The following RNF130 variants were observed in gnomAD, a reference collection of about 807,000 sequenced individuals.
RNF130 encodes ring finger protein 130, also known as E3 ubiquitin-protein ligase RNF130.
In RNF130, 21 loss-of-function variants were observed where a neutral mutation model predicts 44.6. The ratio of observed to expected loss-of-function variants is 0.47; its 90% CI spans 0.33 to 0.68. The LOEUF (loss-of-function observed/expected upper bound fraction) is 0.68. RNF130 is among the 30% of genes least tolerant of loss of function. The probability of loss-of-function intolerance (pLI) is 0.02; values close to 1 mark genes in which losing one functional copy is unlikely to be tolerated. For missense variants in RNF130, 479 were observed against 560.6 expected, an observed-to-expected ratio of 0.85 and a Z score of 1.47; for synonymous variants, 214 against 210.4, an observed-to-expected ratio of 1.02 and a Z score of -0.15.
intron 2 of RNF130, among the ~76,000 whole-genome samples, chr5:180,017,154 TA>T (rs1186680176): frequency 6.6e-6 from 1 of 152,214 alleles, no homozygotes; most frequent in East Asian, 1.9e-4. Flanking sequence ...CTGACCTTTT[TA>T]AAGAGTCCAA....
At chr5:180,041,782 T>C (rs1484850332) in intron 1 of RNF130, among the ~76,000 whole-genome samples, 2 of 152,012 alleles carry the variant, frequency 1.3e-5, no homozygotes, top group Admixed American at 1.3e-4. Context: ...AGTAAATAAA[T>C]CATAAAAGCA....
chr5:179,944,457 A>G (rs1169452465), intron 7 of RNF130, among the ~76,000 whole-genome samples: 1 of 151,188 alleles, frequency 6.6e-6, no homozygotes, highest in Non-Finnish European at 1.5e-5. Flanking sequence ...AATTTTCTCA[A>G]TTTATTTTTT....
chr5:179,953,822 A>G (rs187192958), downstream of RNF130, among the ~76,000 whole-genome samples: 2 of 152,376 alleles, frequency 1.3e-5, no homozygotes, highest in Admixed American at 6.5e-5. Context: ...GTGAATAAAT[A>G]GTTTAGAGAA....
chr5:180,014,167 T>C (rs1300759336), intron 2 of RNF130, among the ~76,000 whole-genome samples: 2 of 152,220 alleles, frequency 1.3e-5, no homozygotes, highest in Non-Finnish European at 2.9e-5. Context: ...AGTCTTAAGT[T>C]GCCTTATAGT....
chr5:180,055,281 CA>C (rs869087305), intron 1 of RNF130, among the ~76,000 whole-genome samples: 2 of 45,684 alleles, frequency 4.4e-5, no homozygotes, highest in East Asian at 1.2e-3. Flanking sequence ...AAAAAAAAAA[CA>C]AAAAAAAACA....
chr5:180,040,699 C>G, intron 1 of RNF130, 52 bp from the exon 2 acceptor site: 1 of 1,524,682 alleles, frequency 6.6e-7, no homozygotes, highest in Non-Finnish European at 8.9e-7. Context: ...CTGACCAAGT[C>G]TTTATCAAAG....
chr5:180,010,244 CAAAAAAAAA>C (rs71001067), intron 3 of RNF130, among the ~76,000 whole-genome samples: 1 of 41,086 alleles, frequency 2.4e-5, no homozygotes, highest in African/African-American at 1.3e-4. Flanking sequence ...GACTACATCT[CAAAAAAAAA>C]AAAAAAAAAA....
intron 7 of RNF130, among the ~76,000 whole-genome samples, chr5:179,935,312 T>C (rs933240678): frequency 6.6e-6 from 1 of 152,200 alleles, no homozygotes; most frequent in Non-Finnish European, 1.5e-5. Context: ...ATAATCTATG[T>C]GTACTTAAAA....
At chr5:179,989,283 A>T (rs1284618466) in intron 3 of RNF130, among the ~76,000 whole-genome samples, 2 of 152,180 alleles carry the variant, frequency 1.3e-5, no homozygotes, top group Non-Finnish European at 2.9e-5. Flanking sequence ...ACACATGGGG[A>T]TTATGGGAAC....
rs924996696 is a variant in RNF130, at chr5:180,071,712, G to C, written c.-10C>G. ...GCCCCGCGCAGCTCATCGTCCCTCCGGCAGCCGCCGCTGCTCGCGGACCGG... is the reference window on the plus strand; with the variant it reads ...GCCCCGCGCAGCTCATCGTCCCTCCCGCAGCCGCCGCTGCTCGCGGACCGG... On this transcript the variant is annotated 5_prime_UTR_variant, in exon 1 of 9. Coordinates refer to ENST00000521389, the MANE Select transcript of RNF130 (RefSeq NM_018434.6). The C allele has an allele frequency of 1.6e-6, 2 of 1,264,570 alleles. No homozygotes were observed. The highest frequency in any genetic ancestry group is 2.7e-5 in the South Asian group (1 of 36,518). The allele number at this position is 1,264,570 out of a possible 1,614,324, so 78.3% of individuals were successfully genotyped here.
intron 3 of RNF130, among the ~76,000 whole-genome samples, chr5:180,005,824 T>C (rs1763452404): frequency 6.6e-6 from 1 of 152,200 alleles, no homozygotes; most frequent in Non-Finnish European, 1.5e-5. Flanking sequence ...GGTAAGCTCA[T>C]TCTTGAATTC....
In RNF130 at chr5:179,977,946, GCTGTGT is replaced by G. The variant is rs763564499; in HGVS notation, c.848+251_848+256del. ...GAATTCTCGACCTCAACACTCCTAG[GCTGTGT>G]CTGGGGAGTCTGGAGGCCGCGTGCC... On this transcript the variant is annotated intron_variant, in intron 5 of 8. Coordinates refer to ENST00000521389, the MANE Select transcript of RNF130 (RefSeq NM_018434.6). This position sits in a 1 kb window ranked among gnomAD's most constrained non-coding sequence, Gnocchi z 4.1. 1.3e-4 allele frequency among the ~76,000 whole-genome samples: 20 copies of G among 152,192 alleles called. No individual in the cohort carries two copies. The highest frequency in any genetic ancestry group is 2.6e-4 in the Non-Finnish European group (18 of 68,042).
chr5:180,000,766 A>G (rs1014199315), intron 3 of RNF130, among the ~76,000 whole-genome samples: 1 of 152,040 alleles, frequency 6.6e-6, no homozygotes, highest in East Asian at 1.9e-4. Context: ...TTTCCTGTTT[A>G]TATTGTGAAC....
intron 3 of RNF130, among the ~76,000 whole-genome samples, chr5:180,009,684 T>C (rs1256635269): frequency 6.6e-6 from 1 of 152,188 alleles, no homozygotes; most frequent in Non-Finnish European, 1.5e-5. Context: ...CAGAACTAAA[T>C]ATGCACTTAT....
rs1474644392 is a variant in RNF130 at position 179,980,167 on chromosome 5, T to C, written c.727A>G (p.Ser243Gly). 9.3e-6 allele frequency: 15 copies of C among 1,614,064 alleles called. No individual in the cohort carries two copies. The highest frequency in any genetic ancestry group is 1.3e-5 in the Non-Finnish European group (15 of 1,180,034). ...TTTACTGTCCTGGTTGTCAATTTAC[T>C]GATGGCTTTCTTGGCTGCATCTCCG... ...RLGDAAKKAI[S>G]KLTTRTVKKG... The change falls in exon 4 of 9, where the codon AGT becomes GGT. Residue 243 changes from serine to glycine, a missense_variant. This residue lies in a region of RNF130 where 180 missense variants were observed against 275.1 expected (regional missense o/e 0.65). Transcript: ENST00000521389.
At chr5:179,983,232 T>C (rs1358925381) in intron 3 of RNF130, among the ~76,000 whole-genome samples, 12 of 152,206 alleles carry the variant, frequency 7.9e-5, no homozygotes, top group African/African-American at 2.9e-4. Flanking sequence ...TATTTCAAGG[T>C]TACAAAGACT....
intron 7 of RNF130, among the ~76,000 whole-genome samples, chr5:179,927,979 AT>A (rs1321396599): frequency 6.6e-6 from 1 of 152,062 alleles, no homozygotes; most frequent in East Asian, 1.9e-4. Flanking sequence ...AATGTCTGAC[AT>A]TTATGTTGCA....
intron 1 of RNF130, among the ~76,000 whole-genome samples, chr5:180,067,852 C>T (rs1419416139): frequency 6.6e-6 from 1 of 152,142 alleles, no homozygotes; most frequent in African/African-American, 2.4e-5. Flanking sequence ...ATCCTGTTTT[C>T]GCATCAATCT....
At chr5:180,000,303 T>C (rs1763303234) in intron 3 of RNF130, among the ~76,000 whole-genome samples, 1 of 152,238 alleles carries the variant, frequency 6.6e-6, no homozygotes, top group Admixed American at 6.5e-5. Context: ...CTTATGTGAC[T>C]TGATGCTGTT....
Sources: gnomAD v4.1 joint callset for allele counts (sites outside exome capture counted in the v4.1 genomes callset) on GRCh38, gnomAD v4.1.1 for gene constraint, gnomAD v4.1.1 regional missense constraint, Gnocchi (gnomAD v3.1) non-coding constraint, MANE v1.5 for transcripts, NCBI Gene and HGNC (gene_info 2026-07-23, HGNC 2026-07-21) for gene names.